ADGRV1: variants seen among roughly 807,000 people sequenced by gnomAD.
ADGRV1 encodes the protein adhesion G protein-coupled receptor V1.
A neutral mutation model predicts 596.2 loss-of-function variants in ADGRV1; 359 were observed. That is an observed-to-expected ratio of 0.60 (90% CI 0.55 to 0.66). ADGRV1 has a LOEUF of 0.66. Among genes scored for constraint, ADGRV1 ranks in the 30% least tolerant of loss-of-function variants. The probability of loss-of-function intolerance (pLI) is 0.00; values close to 1 mark genes in which losing one functional copy is unlikely to be tolerated. For synonymous variants in ADGRV1, 2,681 were observed against 2,679.2 expected, an observed-to-expected ratio of 1.00 and a Z score of -0.02; for missense variants, 7,274 against 7,575.6, an observed-to-expected ratio of 0.96 and a Z score of 1.48.
At chr5:90,788,335 C>A in intron 68 of ADGRV1, 25 bp downstream of exon 68, 1 of 1,566,568 alleles carries the variant, frequency 6.4e-7, no homozygotes, top group Non-Finnish European at 8.7e-7. Context: ...ATTTTTCTCA[C>A]AAAATGTGGA....
chr5:90,903,059 C>T (rs1303651392), intron 83 of ADGRV1, among the ~76,000 whole-genome samples: 1 of 152,030 alleles, frequency 6.6e-6, no homozygotes, highest in East Asian at 1.9e-4. Flanking sequence ...CCATGTGTAG[C>T]AAAAGGAATT....
At position 90,912,590 on chromosome 5, in the gene ADGRV1, A is replaced by G. The variant is rs147828662; in HGVS notation, c.17856+48733A>G. On this transcript the variant is annotated intron_variant, in intron 83 of 89. Transcript: ENST00000405460. Reference sequence around the variant, plus strand: ...GTCTATTGTTGCCATCTTTATGTCCATGAGTACCTAATGTTTAGCACTCCC... The same window carrying G: ...GTCTATTGTTGCCATCTTTATGTCCGTGAGTACCTAATGTTTAGCACTCCC... Among the ~76,000 whole-genome samples, 532 of 152,164 alleles carry G rather than the reference A, an allele frequency of 3.5e-3. 3 individuals carry two copies. The highest frequency in any genetic ancestry group is 0.012 in the African/African-American group (509 of 41,506).
At chr5:91,092,883 GGAT>G (rs1790505920) in intron 86 of ADGRV1, among the ~76,000 whole-genome samples, 2 of 152,134 alleles carry the variant, frequency 1.3e-5, no homozygotes, top group Admixed American at 1.3e-4. Flanking sequence ...GTGAGAATTA[GGAT>G]GATAGTAGCT....
At position 91,150,013 on chromosome 5, in the gene ADGRV1, T is replaced by TCTTTTC; in HGVS notation, c.18433-17_18433-16insCTTTTC. 14 of 1,048,722 alleles carry TCTTTTC rather than the reference T, an allele frequency of 1.3e-5. No homozygotes were observed. The highest frequency in any genetic ancestry group is 1.1e-4 in the South Asian group (6 of 52,704). 65.0% of individuals were successfully genotyped at this position (1,048,722 alleles called of 1,614,324 possible). ...TTTTTCTTTTTCTTTTCTTTTCTTT[T>TCTTTTC]TTTTTTTTTTTTGCAGGGACTTTAT... On this transcript the variant is annotated splice_polypyrimidine_tract_variant and intron_variant, in intron 87 of 89. Transcript: ENST00000405460.
chr5:90,754,939 G>A lies in ADGRV1; in HGVS notation c.11378-44G>A, dbSNP rs761823025. On this transcript the variant is annotated intron_variant, in intron 54 of 89. Coordinates refer to ENST00000405460, the MANE Select transcript of ADGRV1 (RefSeq NM_032119.4). ...CTAGGTCCTTGTAACAGCATTGACA[G>A]CAAATAGAAAAGACTATTTACTCGT... 1.8e-5 allele frequency: 25 copies of A among 1,373,640 alleles called. No homozygotes were observed. The South Asian group carries it at 2.5e-4, about 14-fold the overall frequency. The allele number at this position is 1,373,640 out of a possible 1,614,324, so 85.1% of individuals were successfully genotyped here. A position where few individuals can be genotyped will look rare whatever the true frequency, so the allele number is the denominator to read the frequency against.
At chr5:90,932,799 T>C (rs1490398630) in intron 83 of ADGRV1, among the ~76,000 whole-genome samples, 2 of 151,936 alleles carry the variant, frequency 1.3e-5, no homozygotes, top group Non-Finnish European at 2.9e-5. Context: ...GTGAGTTGTG[T>C]GTGTGTGTGT....
At chr5:91,140,499 T>TA (rs1349329301) in intron 87 of ADGRV1, among the ~76,000 whole-genome samples, 23 of 152,218 alleles carry the variant, frequency 1.5e-4, no homozygotes, top group African/African-American at 4.1e-4. Flanking sequence ...TGTAATTTTT[T>TA]AAAAAAATTC....
rs548200451 is a variant in ADGRV1 at position 90,569,249 on chromosome 5, G to A, written c.22+10332G>A. Reference sequence around the variant, plus strand: ...CTTAAAGGTCCTACCTCTCAACACCGTTAGTTACAATGGCAATTAAATTTC... The same window carrying A: ...CTTAAAGGTCCTACCTCTCAACACCATTAGTTACAATGGCAATTAAATTTC... On this transcript the variant is annotated intron_variant, in intron 1 of 89. Coordinates refer to ENST00000405460, the MANE Select transcript of ADGRV1 (RefSeq NM_032119.4). Among the ~76,000 whole-genome samples the A allele has an allele frequency of 1.1e-3, 169 of 150,492 alleles. 1 individual carries two copies. Among genetic ancestry groups the A allele is most frequent in the African/African-American group, 1.6e-3 (66 of 40,918 alleles).
chr5:91,161,527 A>C (rs1447338607), intron 89 of ADGRV1, among the ~76,000 whole-genome samples: 1 of 114,264 alleles, frequency 8.8e-6, no homozygotes, highest in South Asian at 2.7e-4. Flanking sequence ...TTTTTTTTTC[A>C]AGAGAAACCA....
In ADGRV1 at chr5:90,711,042, T is replaced by C. The variant is rs1749272769; in HGVS notation, c.8886T>C (p.Ile2962=). ...IDANDGARGV[I]EWQQSRFEVN... is the part of the protein sequence containing the mutation. ...CCAATGATGGGGCCCGAGGTGTAAT[T>C]GAATGGCAACAAAGCAGGTAAGGCC... The change falls in exon 40 of 90, where the codon ATT becomes ATC. Residue 2962 remains isoleucine (I), a synonymous_variant. Transcript: ENST00000405460. The C allele has an allele frequency of 6.2e-7, 1 of 1,610,822 alleles. No individual in the cohort carries two copies. Among genetic ancestry groups the C allele is most frequent in the Non-Finnish European group, 8.5e-7 (1 of 1,178,186 alleles).
At chr5:90,581,116 G>A (rs1757980640) in intron 1 of ADGRV1, among the ~76,000 whole-genome samples, 1 of 152,110 alleles carries the variant, frequency 6.6e-6, no homozygotes, top group Admixed American at 6.5e-5. Flanking sequence ...GTCATTTAAA[G>A]TCTCCTCTAC....
intron 85 of ADGRV1, among the ~76,000 whole-genome samples, chr5:91,071,049 G>T (rs969759965): frequency 5.9e-5 from 9 of 152,126 alleles, no homozygotes; most frequent in Middle Eastern, 3.2e-3. Flanking sequence ...ATGGTGATAT[G>T]ATCCCTCATC....
At chr5:91,150,368 T>A in intron 88 of ADGRV1, 147 bp downstream of exon 88, 1 of 579,770 alleles carries the variant, frequency 1.7e-6, no homozygotes, top group Non-Finnish European at 2.7e-6. Flanking sequence ...AGGTGACTTT[T>A]AAATCAAGAT....
chr5:91,106,716 G>A (rs1791907775), intron 87 of ADGRV1, among the ~76,000 whole-genome samples: 1 of 152,206 alleles, frequency 6.6e-6, no homozygotes, highest in African/African-American at 2.4e-5. Flanking sequence ...GCTGGGCACT[G>A]ACATCTTTAG....
chr5:90,969,297 T>C (rs1778747073), intron 84 of ADGRV1, among the ~76,000 whole-genome samples: 1 of 152,234 alleles, frequency 6.6e-6, no homozygotes, highest in South Asian at 2.1e-4. Context: ...TAATATGTTG[T>C]GGCTAAAATT....
rs1765203369 is a variant in ADGRV1 at position 90,629,378 on chromosome 5, A to G, written c.1678A>G (p.Ile560Val). The G allele has an allele frequency of 6.2e-7, 1 of 1,613,680 alleles. No individual in the cohort carries two copies. Among genetic ancestry groups the G allele is most frequent in the Non-Finnish European group, 8.5e-7 (1 of 1,179,826 alleles). The change falls in exon 9 of 90, where the codon ATT (isoleucine) becomes GTT (valine). Residue 560 changes from isoleucine (I) to valine (V), a missense_variant. Transcript: ENST00000405460. ...GAGGTTGCTTTATTCTGTACTTTACATTCCTGCTGGAGCTGTGGACCCCTT... is the reference window on the plus strand; with the variant it reads ...GAGGTTGCTTTATTCTGTACTTTACGTTCCTGCTGGAGCTGTGGACCCCTT... ...DVRLLYSVLY[I>V]PAGAVDPLQA...
At chr5:90,782,332 C>T (rs965026659) in intron 65 of ADGRV1, among the ~76,000 whole-genome samples, 1 of 151,954 alleles carries the variant, frequency 6.6e-6, no homozygotes, top group African/African-American at 2.4e-5. Flanking sequence ...TTGTGAACTT[C>T]AATCTGTACC....
At chr5:91,082,098 G>A (rs1344082675) in intron 86 of ADGRV1, among the ~76,000 whole-genome samples, 1 of 152,134 alleles carries the variant, frequency 6.6e-6, no homozygotes, top group Admixed American at 6.5e-5. Context: ...AATATCTGAG[G>A]GTAACAAAGA....
intron 54 of ADGRV1, among the ~76,000 whole-genome samples, chr5:90,754,377 T>A (rs995028284): frequency 1.3e-5 from 2 of 152,224 alleles, no homozygotes; most frequent in Non-Finnish European, 2.9e-5. Context: ...CGTAATAACA[T>A]GGACATCCAG....
Sources: allele counts gnomAD v4.1 joint callset (sites outside exome capture counted in the v4.1 genomes callset), GRCh38; gene constraint gnomAD v4.1.1; transcripts MANE v1.5; gene names NCBI Gene and HGNC (gene_info 2026-07-23, HGNC 2026-07-21).